Variants in NDUFAF2 observed in about 807,000 individuals in gnomAD.
The protein encoded by NDUFAF2 is NADH dehydrogenase [ubiquinone] 1 alpha subcomplex assembly factor 2.
Under a neutral mutation model 22.8 loss-of-function variants are expected in NDUFAF2, and 13 were observed. The observed-to-expected ratio is 0.57, with a 90% CI of 0.37 to 0.91. The LOEUF is 0.91. Ranked by LOEUF, NDUFAF2 falls within the 40% of genes least tolerant of loss-of-function variation. The probability of loss-of-function intolerance (pLI) is 0.01; values close to 1 mark genes in which losing one functional copy is unlikely to be tolerated. For synonymous variants in NDUFAF2, 53 were observed against 64.2 expected, an observed-to-expected ratio of 0.83 and a Z score of 0.84; for missense variants, 162 against 195.2, an observed-to-expected ratio of 0.83 and a Z score of 1.01.
intron 3 of NDUFAF2, among the ~76,000 whole-genome samples, chr5:61,111,269 G>A (rs1282098558): frequency 6.6e-6 from 1 of 152,096 alleles, no homozygotes; most frequent in Admixed American, 6.6e-5. Context: ...TGTGCTTAAC[G>A]AGAAGCATGT....
intron 1 of NDUFAF2, among the ~76,000 whole-genome samples, chr5:61,005,577 C>T (rs1036860249): frequency 4.6e-5 from 7 of 152,214 alleles, no homozygotes; most frequent in Non-Finnish European, 8.8e-5. Flanking sequence ...GTTCCTATTT[C>T]TCCACATCCT....
At chr5:60,957,211 A>G (rs1329362172) in intron 1 of NDUFAF2, among the ~76,000 whole-genome samples, 1 of 152,146 alleles carries the variant, frequency 6.6e-6, no homozygotes, top group Non-Finnish European at 1.5e-5. Context: ...CACATACCTG[A>G]AGCTTACTTT....
chr5:61,041,616 A>C (rs185200244), intron 1 of NDUFAF2, among the ~76,000 whole-genome samples: 1 of 152,348 alleles, frequency 6.6e-6, no homozygotes, highest in Non-Finnish European at 1.5e-5. Flanking sequence ...CAGTTACTGC[A>C]AGTAATAAAT....
intron 1 of NDUFAF2, among the ~76,000 whole-genome samples, chr5:60,984,115 C>T (rs571274814): frequency 1.2e-4 from 18 of 152,292 alleles, no homozygotes; most frequent in African/African-American, 2.9e-4. Context: ...AGGTCCTTCA[C>T]GTCCCTTTGT....
intron 2 of NDUFAF2, among the ~76,000 whole-genome samples, chr5:61,076,509 A>G (rs1488004563): frequency 6.6e-6 from 1 of 152,258 alleles, no homozygotes; most frequent in Non-Finnish European, 1.5e-5. Flanking sequence ...TGAGGCAGGA[A>G]CATGCTCAGA....
At chr5:61,136,005 T>TCATA (rs1411594766) in intron 3 of NDUFAF2, among the ~76,000 whole-genome samples, 1 of 96,052 alleles carries the variant, frequency 1.0e-5, no homozygotes, top group African/African-American at 5.5e-5. Flanking sequence ...AAGCCTGTCT[T>TCATA]TATATATATA....
Position 61,088,485 on chromosome 5 carries a change from A to G in NDUFAF2, c.218-10507A>G, listed in dbSNP as rs75513774. Among the ~76,000 whole-genome samples the G allele has an allele frequency of 1.9e-3, 282 of 152,142 alleles. 1 individual carries two copies. The highest frequency in any genetic ancestry group is 6.5e-3 in the African/African-American group (269 of 41,538). On this transcript the variant is annotated intron_variant, in intron 2 of 3. Coordinates refer to ENST00000296597, the MANE Select transcript of NDUFAF2 (RefSeq NM_174889.5). ...CATGTAAACAGACTGGGGAACTTTTATAGGTGATGGAAATGTTCTGTCTGT... is the reference window on the plus strand; with the variant it reads ...CATGTAAACAGACTGGGGAACTTTTGTAGGTGATGGAAATGTTCTGTCTGT...
chr5:61,134,165 G>C (rs1475519946), intron 3 of NDUFAF2, among the ~76,000 whole-genome samples: 1 of 152,074 alleles, frequency 6.6e-6, no homozygotes, highest in African/African-American at 2.4e-5. Context: ...AAAAAAGTAA[G>C]ATGAAAAACA....
chr5:61,146,987 C>T (rs896875117), intron 3 of NDUFAF2, among the ~76,000 whole-genome samples: 1 of 152,014 alleles, frequency 6.6e-6, no homozygotes, highest in African/African-American at 2.4e-5. Context: ...TTTCTTTCCT[C>T]ATGTTGATTT....
chr5:61,114,161 G>A (rs1484685524), intron 3 of NDUFAF2, among the ~76,000 whole-genome samples: 1 of 151,986 alleles, frequency 6.6e-6, no homozygotes, highest in African/African-American at 2.4e-5. Context: ...GCAACTCTTA[G>A]ATTTGTCTTT....
chr5:60,957,365 T>C (rs1367355039), intron 1 of NDUFAF2, among the ~76,000 whole-genome samples: 1 of 152,172 alleles, frequency 6.6e-6, no homozygotes, highest in Non-Finnish European at 1.5e-5. Flanking sequence ...AGCACTCCTG[T>C]TTTTAAATGT....
chr5:61,012,448 G>A (rs1232211472), intron 1 of NDUFAF2, among the ~76,000 whole-genome samples: 2 of 151,952 alleles, frequency 1.3e-5, no homozygotes, highest in Non-Finnish European at 2.9e-5. Flanking sequence ...ATTTTCAGCC[G>A]ATTCACTGAA....
At chr5:61,143,958 TTTTGTGTGTGTG>T (rs201942866) in intron 3 of NDUFAF2, among the ~76,000 whole-genome samples, 1,822 of 125,610 alleles carry the variant, frequency 0.015, 42 homozygotes, top group Admixed American at 0.051. Flanking sequence ...AATGGCATAT[TTTTGTGTGTGTG>T]TGTGTGTGTG....
At chr5:61,003,298 A>C (rs1422994427) in intron 1 of NDUFAF2, among the ~76,000 whole-genome samples, 3 of 152,086 alleles carry the variant, frequency 2.0e-5, no homozygotes, top group Non-Finnish European at 4.4e-5. Context: ...ACTGCTTCTG[A>C]AGTTTTTTAA....
chr5:61,143,332 A>T (rs1426550742), intron 3 of NDUFAF2, among the ~76,000 whole-genome samples: 1 of 152,098 alleles, frequency 6.6e-6, no homozygotes. Context: ...TACTTTAAAA[A>T]TTTTAATATT....
chr5:61,106,862 C>T (rs907257420), intron 3 of NDUFAF2, among the ~76,000 whole-genome samples: 4 of 151,192 alleles, frequency 2.6e-5, no homozygotes, highest in African/African-American at 9.9e-5. Context: ...ATGGCAGGAT[C>T]TCATTCTTCT....
At chr5:61,103,548 A>G (rs1472236207) in intron 3 of NDUFAF2, among the ~76,000 whole-genome samples, 2 of 152,012 alleles carry the variant, frequency 1.3e-5, no homozygotes, top group Non-Finnish European at 2.9e-5. Context: ...TGGCACAGGG[A>G]TTATAACTTA....
chr5:61,034,212 A>G (rs1414898161), intron 1 of NDUFAF2, among the ~76,000 whole-genome samples: 2 of 152,184 alleles, frequency 1.3e-5, no homozygotes, highest in Non-Finnish European at 2.9e-5. Context: ...ACCTGTTAGC[A>G]ATCTTGATGA....
intron 3 of NDUFAF2, among the ~76,000 whole-genome samples, chr5:61,132,624 C>G (rs1168175325): frequency 6.6e-6 from 1 of 152,198 alleles, no homozygotes; most frequent in Non-Finnish European, 1.5e-5. Context: ...TTCAGTTTCT[C>G]TTAGCAGAAG....
Sources: gnomAD v4.1 joint callset for allele counts (sites outside exome capture counted in the v4.1 genomes callset) on GRCh38, gnomAD v4.1.1 for gene constraint, MANE v1.5 for transcripts, NCBI Gene and HGNC (gene_info 2026-07-23, HGNC 2026-07-21) for gene names.